Variants in SERF2 observed in about 807,000 individuals in gnomAD.
SERF2 encodes gastric cancer-related protein VRG107.
In SERF2, 4 loss-of-function variants were observed where a neutral mutation model predicts 10.7. The ratio of observed to expected loss-of-function variants is 0.37; its 90% CI spans 0.18 to 0.86. SERF2 has a LOEUF of 0.86. SERF2 is among the 40% of genes least tolerant of loss of function. The probability of loss-of-function intolerance (pLI) is 0.43; values close to 1 mark genes in which losing one functional copy is unlikely to be tolerated. For synonymous variants in SERF2, 26 were observed against 26.0 expected, an observed-to-expected ratio of 1.00 and a Z score of 0.01; for missense variants, 47 against 79.1, an observed-to-expected ratio of 0.59 and a Z score of 1.54.
Position 43,795,284 on chromosome 15 carries a change from C to T in SERF2, c.*1511C>T. On this transcript the variant is annotated 3_prime_UTR_variant, in exon 3 of 3. Transcript: ENST00000249786. ...TTTTAGACCTGTTCTACCTCCTCACCAAATATAATGGCAGACCCATGTGTG... is the reference window on the plus strand; with the variant it reads ...TTTTAGACCTGTTCTACCTCCTCACTAAATATAATGGCAGACCCATGTGTG... 1.3e-6 allele frequency: 2 copies of T among 1,589,322 alleles called. No homozygotes were observed.
Position 43,795,219 on chromosome 15 carries a change from T to C in SERF2, c.*1446T>C, listed in dbSNP as rs1460783232. ...CCAGTTCTGCTCCCTCATAGCTGTG[T>C]AACCAAAGGCTCTGGTTAGAGAATA... On this transcript the variant is annotated 3_prime_UTR_variant, in exon 3 of 3. Coordinates refer to ENST00000249786, the MANE Select transcript of SERF2 (RefSeq NM_001018108.4). 1.2e-6 allele frequency: 2 copies of C among 1,613,834 alleles called. No individual in the cohort carries two copies. The highest frequency in any genetic ancestry group is 1.7e-5 in the Admixed American group (1 of 60,022).
At chr15:43,791,660 C>T (rs2087062802), upstream of SERF2, among the ~76,000 whole-genome samples, 1 of 152,232 alleles carries the variant, frequency 6.6e-6, no homozygotes, top group Non-Finnish European at 1.5e-5. Context: ...TAGTCTGTGA[C>T]TTTTGGAGTC....
upstream of SERF2, among the ~76,000 whole-genome samples, chr15:43,788,105 C>T (rs1370956674): frequency 6.6e-6 from 1 of 152,092 alleles, no homozygotes; most frequent in South Asian, 2.1e-4. Context: ...GAACTCCTGA[C>T]CTCAAGAGAT....
At chr15:43,779,009 T>C (rs1260172598) in intron 1 of SERF2, among the ~76,000 whole-genome samples, 2 of 152,218 alleles carry the variant, frequency 1.3e-5, no homozygotes, top group Non-Finnish European at 2.9e-5. Flanking sequence ...ATGTTCCATG[T>C]TGACGGAAAT....
rs1250594003 is a variant in SERF2 at position 43,794,837 on chromosome 15, A to G, written c.*1064A>G. The G allele has an allele frequency of 2.7e-5, 17 of 623,082 alleles. No individual in the cohort carries two copies. The highest frequency in any genetic ancestry group is 4.2e-5 in the Non-Finnish European group (15 of 354,974). The allele number at this position is 623,082 out of a possible 1,614,324, so 38.6% of individuals were successfully genotyped here. A position where few individuals can be genotyped will look rare whatever the true frequency, so the allele number is the denominator to read the frequency against. ...GTGAGTCAGACACTCTGCCCAGCAC[A>G]TTAGACTGTGTTTGACCACTTCTTC... On this transcript the variant is annotated 3_prime_UTR_variant, in exon 3 of 3. Transcript: ENST00000249786.
At position 43,795,418 on chromosome 15, in the gene SERF2, TAG is replaced by T; in HGVS notation, c.*1648_*1649del. Reference sequence around the variant, plus strand: ...CCAGTTGGTAAGGGTAACCATGACATAGAGTGAGGCAAGGAAGAAGACGAAGT... The same window carrying T: ...CCAGTTGGTAAGGGTAACCATGACATAGTGAGGCAAGGAAGAAGACGAAGT... On this transcript the variant is annotated 3_prime_UTR_variant, in exon 3 of 3. Transcript: ENST00000249786. The T allele has an allele frequency of 1.2e-6, 2 of 1,614,068 alleles. No individual in the cohort carries two copies. The highest frequency in any genetic ancestry group is 1.3e-5 in the African/African-American group (1 of 75,002).
At chr15:43,781,433 T>C (rs2086963014) in intron 1 of SERF2, among the ~76,000 whole-genome samples, 1 of 151,782 alleles carries the variant, frequency 6.6e-6, no homozygotes, top group Non-Finnish European at 1.5e-5. Context: ...CTAATTTTAG[T>C]CCCAGCTACT....
At chr15:43,780,416 A>G (rs1370254845) in intron 1 of SERF2, among the ~76,000 whole-genome samples, 1 of 152,198 alleles carries the variant, frequency 6.6e-6, no homozygotes, top group Non-Finnish European at 1.5e-5. Context: ...TGCTGGGATT[A>G]CAGGCGTCAG....
At chr15:43,785,898 G>T (rs1275432356) in intron 2 of SERF2, among the ~76,000 whole-genome samples, 1 of 151,234 alleles carries the variant, frequency 6.6e-6, no homozygotes, top group Non-Finnish European at 1.5e-5. Flanking sequence ...TAGGGACTGG[G>T]TTTCACCATG....
At chr15:43,792,466 C>T (rs1033527869) in intron 1 of SERF2, 83 bp downstream of exon 1, 15 of 1,610,268 alleles carry the variant, frequency 9.3e-6, no homozygotes, top group Admixed American at 1.7e-5. Flanking sequence ...TTTGACCTTC[C>T]GTAGCTTCCC....
In SERF2 at chr15:43,794,593, C is replaced by T. The variant is rs1316343814; in HGVS notation, c.*820C>T. The T allele has an allele frequency of 5.7e-6, 1 of 175,826 alleles. No individual in the cohort carries two copies. The highest frequency in any genetic ancestry group is 2.4e-5 in the African/African-American group (1 of 42,038). 10.9% of individuals were successfully genotyped at this position (175,826 alleles called of 1,614,324 possible). On this transcript the variant is annotated 3_prime_UTR_variant, in exon 3 of 3. Coordinates refer to ENST00000249786, the MANE Select transcript of SERF2 (RefSeq NM_001018108.4). ...TGGTTTGTTCTGTGGTTCTGGGCTT[C>T]TTATATCCGTGTGCCCAGGGCTGAA...
At chr15:43,787,140 C>T (rs1340601448) in intron 2 of SERF2, among the ~76,000 whole-genome samples, 1 of 151,940 alleles carries the variant, frequency 6.6e-6, no homozygotes, top group African/African-American at 2.4e-5. Flanking sequence ...GCTGGGACTA[C>T]AGGCGCCTGC....
chr15:43,795,709 C>T lies in SERF2; in HGVS notation c.*1936C>T, dbSNP rs1271600657. The T allele has an allele frequency of 2.5e-6, 4 of 1,613,974 alleles. No homozygotes were observed. The highest frequency in any genetic ancestry group is 3.4e-6 in the Non-Finnish European group (4 of 1,180,004). On this transcript the variant is annotated 3_prime_UTR_variant, in exon 3 of 3. Transcript: ENST00000249786. Reference sequence around the variant, plus strand: ...TCACCTTTGTCTGCCTCCACTGTTTCAGGGCAGCAGAAACACAGTGAGGGC... The same window carrying T: ...TCACCTTTGTCTGCCTCCACTGTTTTAGGGCAGCAGAAACACAGTGAGGGC...
At chr15:43,791,401 G>C (rs1209758278), upstream of SERF2, among the ~76,000 whole-genome samples, 1 of 149,934 alleles carries the variant, frequency 6.7e-6, no homozygotes, top group Non-Finnish European at 1.5e-5. Context: ...CACCACGCCC[G>C]GCTAATTTTT....
upstream of SERF2, chr15:43,792,047 G>A (rs2087069826): frequency 6.1e-6 from 3 of 495,800 alleles, no homozygotes; most frequent in Non-Finnish European, 1.1e-5. Context: ...CGAGCCCGCG[G>A]GAGCGCCACA....
intron 1 of SERF2, among the ~76,000 whole-genome samples, chr15:43,778,404 G>A (rs764593845): frequency 5.3e-5 from 8 of 151,804 alleles, no homozygotes; most frequent in East Asian, 3.9e-4. Flanking sequence ...AGCTGGGCAT[G>A]GCGGTGCATG....
rs755197980 is a variant in SERF2, at chr15:43,795,539, G to T, written c.*1766G>T. 1 of 1,614,134 alleles carries T rather than the reference G, an allele frequency of 6.2e-7. No individual in the cohort carries two copies. The highest frequency in any genetic ancestry group is 8.5e-7 in the Non-Finnish European group (1 of 1,180,018). ...GCTGGCCTCGCAGCCCCACCCCTTT[G>T]CCCTGGAGAGAGGAAATGGCTGCTG... is the stretch of plus-strand genomic sequence containing the variant. On this transcript the variant is annotated 3_prime_UTR_variant, in exon 3 of 3. Coordinates refer to ENST00000249786, the MANE Select transcript of SERF2 (RefSeq NM_001018108.4).
chr15:43,782,335 T>C (rs535139372), intron 1 of SERF2, among the ~76,000 whole-genome samples: 38 of 152,334 alleles, frequency 2.5e-4, no homozygotes, highest in African/African-American at 8.9e-4. Context: ...GTAAATGTTA[T>C]TTGCAAGCTG....
chr15:43,780,341 G>A (rs976978598), intron 1 of SERF2, among the ~76,000 whole-genome samples: 3 of 151,680 alleles, frequency 2.0e-5, no homozygotes, highest in Non-Finnish European at 4.4e-5. Flanking sequence ...ACGGGGTTTC[G>A]CCATGTTAGC....
Sources: allele counts gnomAD v4.1 joint callset (sites outside exome capture counted in the v4.1 genomes callset), GRCh38; gene constraint gnomAD v4.1.1; transcripts MANE v1.5; gene names NCBI Gene and HGNC (gene_info 2026-07-23, HGNC 2026-07-21).